The following GALNT13 variants were observed in gnomAD, a reference collection of about 807,000 sequenced individuals.
The protein encoded by GALNT13 is UDP-GalNAc:polypeptide N-acetylgalactosaminyltransferase 13.
Under a neutral mutation model 64.2 loss-of-function variants are expected in GALNT13, and 28 were observed. That is an observed-to-expected ratio of 0.44 (90% confidence interval 0.32 to 0.60). GALNT13 has a LOEUF of 0.60. GALNT13 is among the 20% of genes least tolerant of loss of function. The pLI is 0.05. For missense variants in GALNT13, 577 were observed against 669.8 expected (o/e 0.86, Z 1.53); for synonymous variants, 214 against 224.6 (o/e 0.95, Z 0.42).
the GALNT13 span, among the ~76,000 whole-genome samples, chr2:153,804,735 A>C: frequency 0.18 from 26,975 of 152,112 alleles, 2,919 homozygotes; most frequent in Admixed American, 0.36. Context: ...AGTGATACTT[A>C]AGTGTAATGT....
chr2:154,065,877 A>G (rs1700436471), intron 3 of GALNT13, among the ~76,000 whole-genome samples: 1 of 152,226 alleles, frequency 6.6e-6, no homozygotes, highest in Non-Finnish European at 1.5e-5. Flanking sequence ...TTCTCAAATG[A>G]ACTAAGTAAG....
intron 7 of GALNT13, among the ~76,000 whole-genome samples, chr2:154,249,913 A>G (rs539339539): frequency 6.0e-4 from 92 of 152,264 alleles, no homozygotes; most frequent in Non-Finnish European, 9.3e-4. Context: ...TAAATCAAAT[A>G]ACATCATTAG....
chr2:154,333,320 A>G (rs1361107844), intron 9 of GALNT13, among the ~76,000 whole-genome samples: 1 of 149,942 alleles, frequency 6.7e-6, no homozygotes. Flanking sequence ...TTTTCTAAGT[A>G]GAGACATGTT....
At chr2:154,033,458 A>C (rs1280695092) in intron 3 of GALNT13, among the ~76,000 whole-genome samples, 1 of 152,070 alleles carries the variant, frequency 6.6e-6, no homozygotes, top group Non-Finnish European at 1.5e-5. Flanking sequence ...GAACTCATAC[A>C]ACTCAATAAT....
the GALNT13 span, among the ~76,000 whole-genome samples, chr2:153,847,898 C>T: frequency 8.5e-5 from 13 of 152,132 alleles, no homozygotes; most frequent in Non-Finnish European, 4.4e-5. Context: ...AAAGGTTCAG[C>T]TACAGTTTGA....
At chr2:153,295,067 G>C in the GALNT13 span, among the ~76,000 whole-genome samples, 3 of 152,188 alleles carry the variant, frequency 2.0e-5, no homozygotes, top group African/African-American at 7.2e-5. Flanking sequence ...GGTGAAGCCC[G>C]CCTCTTTGAT....
At chr2:154,449,531 C>T (rs1471837799) in intron 12 of GALNT13, among the ~76,000 whole-genome samples, 2 of 149,062 alleles carry the variant, frequency 1.3e-5, no homozygotes, top group Non-Finnish European at 3.0e-5. Context: ...TGCAAATCAT[C>T]TCTCATACAT....
intron 4 of GALNT13, among the ~76,000 whole-genome samples, chr2:154,145,070 C>CTATCTATCTATCTA (rs1553484399): frequency 7.3e-6 from 1 of 136,234 alleles, no homozygotes; most frequent in Non-Finnish European, 1.6e-5. Context: ...CTCTCTCTCT[C>CTATCTATCTATCTA]TCTATCTATC....
the GALNT13 span, among the ~76,000 whole-genome samples, chr2:153,407,050 T>G: frequency 6.6e-6 from 1 of 152,106 alleles, no homozygotes; most frequent in African/African-American, 2.4e-5. Flanking sequence ...TATATAAAGA[T>G]TATTCCAAAA....
chr2:154,299,387 G>A (rs1012875273), intron 8 of GALNT13, among the ~76,000 whole-genome samples: 3 of 151,362 alleles, frequency 2.0e-5, no homozygotes, highest in African/African-American at 4.8e-5. Flanking sequence ...AAAAATGTGC[G>A]TAATCACAAG....
At chr2:153,499,407 G>C in the GALNT13 span, among the ~76,000 whole-genome samples, 1 of 152,182 alleles carries the variant, frequency 6.6e-6, no homozygotes, top group East Asian at 1.9e-4. Flanking sequence ...AGTCCCGTAA[G>C]TTCTCACTCT....
intron 3 of GALNT13, among the ~76,000 whole-genome samples, chr2:153,984,024 A>G (rs188379384): frequency 6.6e-6 from 1 of 152,000 alleles, no homozygotes; most frequent in African/African-American, 2.4e-5. Flanking sequence ...CTTTAATTTT[A>G]AAGTCTCTTT....
the GALNT13 span, among the ~76,000 whole-genome samples, chr2:153,566,348 G>GTTTTGTTTT: frequency 0.013 from 979 of 74,780 alleles, 43 homozygotes; most frequent in Middle Eastern, 0.043. Context: ...TTCTAATCAC[G>GTTTTGTTTT]TTTTTTTTTT....
intron 3 of GALNT13, among the ~76,000 whole-genome samples, chr2:154,074,055 AT>A (rs1018308113): frequency 7.2e-5 from 11 of 151,876 alleles, no homozygotes; most frequent in African/African-American, 2.7e-4. Flanking sequence ...TTGTTTTTAC[AT>A]TCAAAATTCA....
At chr2:154,248,187 T>C (rs1394428933) in intron 7 of GALNT13, among the ~76,000 whole-genome samples, 1 of 152,126 alleles carries the variant, frequency 6.6e-6, no homozygotes, top group African/African-American at 2.4e-5. Context: ...CATTTAGAAA[T>C]ACAATCATGC....
chr2:153,907,718 T>G (rs1043940877), intron 2 of GALNT13, among the ~76,000 whole-genome samples: 4 of 152,100 alleles, frequency 2.6e-5, no homozygotes, highest in African/African-American at 4.8e-5. Context: ...TCCATGTTAC[T>G]GCAAAGGATA....
At chr2:154,164,950 A>G (rs1348364113) in intron 4 of GALNT13, among the ~76,000 whole-genome samples, 4 of 152,114 alleles carry the variant, frequency 2.6e-5, no homozygotes, top group Non-Finnish European at 5.9e-5. Flanking sequence ...CTAGCAAAGT[A>G]TCTGAAAAAC....
intron 4 of GALNT13, among the ~76,000 whole-genome samples, chr2:154,189,043 A>G (rs1686418237): frequency 6.6e-6 from 1 of 152,206 alleles, no homozygotes; most frequent in African/African-American, 2.4e-5. Context: ...AAAAAATTAA[A>G]ATTTTTGAAT....
At chr2:154,404,695 C>T (rs757747844) in intron 10 of GALNT13, among the ~76,000 whole-genome samples, 1 of 152,120 alleles carries the variant, frequency 6.6e-6, no homozygotes, top group Non-Finnish European at 1.5e-5. Flanking sequence ...ATTCTTGAAA[C>T]TCACTAGCTG....
Sources: allele counts gnomAD v4.1 joint callset (sites outside exome capture counted in the v4.1 genomes callset), GRCh38; gene constraint gnomAD v4.1.1; transcripts MANE v1.5; gene names NCBI Gene and HGNC (gene_info 2026-07-23, HGNC 2026-07-21).